Variants in AXDND1 observed in about 807,000 individuals in gnomAD.
The protein encoded by AXDND1 is axonemal dynein light chain domain containing 1.
In AXDND1, 110 loss-of-function variants were observed where a neutral mutation model predicts 137.5. That is an observed-to-expected ratio of 0.80 (90% CI 0.69 to 0.94). AXDND1 has a LOEUF of 0.94. Ranked by LOEUF, AXDND1 falls within the 40% of genes least tolerant of loss-of-function variation. The probability of loss-of-function intolerance (pLI) is 0.00; values close to 1 mark genes in which losing one functional copy is unlikely to be tolerated. For synonymous variants in AXDND1, 414 were observed against 399.7 expected (o/e 1.04, Z -0.43); for missense variants, 1,191 against 1,169.8 (o/e 1.02, Z -0.26).
intron 9 of AXDND1, among the ~76,000 whole-genome samples, chr1:179,391,167 TTAC>T (rs1650127568): frequency 6.6e-6 from 1 of 152,080 alleles, no homozygotes; most frequent in African/African-American, 2.4e-5. Context: ...GAATGTCTGT[TTAC>T]TATTTTATTG....
chr1:179,537,493 G>A (rs539738452), intron 25 of AXDND1, among the ~76,000 whole-genome samples: 134 of 152,258 alleles, frequency 8.8e-4, no homozygotes, highest in African/African-American at 3.1e-3. Context: ...GATGGATTAC[G>A]TTTATTGATT....
chr1:179,494,541 C>G (rs960431309), intron 20 of AXDND1, among the ~76,000 whole-genome samples: 6 of 141,568 alleles, frequency 4.2e-5, no homozygotes, highest in Non-Finnish European at 7.7e-5. Context: ...TGTGATTTGT[C>G]TTTTTTTTTT....
In AXDND1 at chr1:179,378,667, T is replaced by A. The variant is rs140658113; in HGVS notation, c.405T>A (p.Tyr135Ter). The change falls in exon 5 of 26, where the codon TAT (tyrosine) becomes TAA (stop). Residue 135 changes from tyrosine to a stop codon, truncating the protein, a stop_gained. Transcript: ENST00000367618. LOFTEE classifies it high-confidence loss of function. ...RDISFLYDVT[Y>*]AKGQTREKAV... ...TTTCTTTTCTGTACGATGTAACATA[T>A]GCCAAAGGACAGACTAGGGAGAAGG... 32 of 1,594,044 alleles carry A rather than the reference T, an allele frequency of 2.0e-5. No homozygotes were observed. Among genetic ancestry groups the A allele is most frequent in the Non-Finnish European group, 2.7e-5 (32 of 1,168,494 alleles).
At chr1:179,407,383 A>G (rs1239942617) in intron 11 of AXDND1, among the ~76,000 whole-genome samples, 1 of 152,004 alleles carries the variant, frequency 6.6e-6, no homozygotes, top group Middle Eastern at 3.4e-3. Flanking sequence ...GCGTGCCACC[A>G]TGACCGGCTA....
intron 15 of AXDND1, among the ~76,000 whole-genome samples, chr1:179,436,579 CT>C: frequency 6.6e-6 from 1 of 152,250 alleles, no homozygotes; most frequent in East Asian, 1.9e-4. Flanking sequence ...CCTCAACAAA[CT>C]AACACAGGAA....
intron 2 of AXDND1, 99 bp from the exon 3 acceptor site, chr1:179,368,701 T>C: frequency 1.1e-6 from 1 of 927,792 alleles, no homozygotes; most frequent in South Asian, 1.9e-5. Context: ...AATGTTTCTC[T>C]CTGTTAGAAA....
At chr1:179,514,129 C>T (rs1028490297) in intron 21 of AXDND1, among the ~76,000 whole-genome samples, 1 of 151,570 alleles carries the variant, frequency 6.6e-6, no homozygotes, top group Non-Finnish European at 1.5e-5. Flanking sequence ...TTGGTTTGTT[C>T]TTGTTTCTCT....
chr1:179,402,769 A>G (rs1652304310), intron 11 of AXDND1, among the ~76,000 whole-genome samples: 1 of 152,066 alleles, frequency 6.6e-6, no homozygotes, highest in African/African-American at 2.4e-5. Context: ...GGAAATCTCT[A>G]CAGAAAGTTG....
At chr1:179,536,494 T>C (rs887020664) in intron 25 of AXDND1, among the ~76,000 whole-genome samples, 3 of 152,222 alleles carry the variant, frequency 2.0e-5, no homozygotes, top group African/African-American at 7.2e-5. Context: ...CTTGTTTTTG[T>C]CAGGTTTGTC....
chr1:179,548,137 T>C (rs909906770), intron 25 of AXDND1, among the ~76,000 whole-genome samples: 1 of 152,166 alleles, frequency 6.6e-6, no homozygotes, highest in African/African-American at 2.4e-5. Context: ...CTACTGGCCA[T>C]CGGGGCTGCC....
chr1:179,501,087 CTAT>C (rs1667952764), intron 20 of AXDND1, among the ~76,000 whole-genome samples: 1 of 152,118 alleles, frequency 6.6e-6, no homozygotes, highest in Non-Finnish European at 1.5e-5. Context: ...TAGAACATTT[CTAT>C]TATTATGGAA....
In AXDND1 at chr1:179,367,423, G is replaced by A. The variant is rs567375990; in HGVS notation, c.97+817G>A. Among the ~76,000 whole-genome samples, 5 of 152,310 alleles carry A rather than the reference G, an allele frequency of 3.3e-5. No homozygotes were observed. The South Asian group carries it at 1.0e-3, about 32-fold the overall frequency. The stretch of plus-strand genomic sequence containing the variant: ...CCAGCTACTCAGGAGGCTGAGGCAG[G>A]AGAATCGCTTGAACCCGGGAGGTGG... On this transcript the variant is annotated intron_variant, in intron 2 of 25. Transcript: ENST00000367618.
At chr1:179,447,059 A>T (rs991491384) in intron 16 of AXDND1, among the ~76,000 whole-genome samples, 31 of 152,168 alleles carry the variant, frequency 2.0e-4, no homozygotes, top group African/African-American at 7.2e-4. Context: ...ATGTGTTGGG[A>T]ACATTTCAAG....
chr1:179,514,935 A>G (rs1367394892), intron 21 of AXDND1, among the ~76,000 whole-genome samples: 1 of 151,950 alleles, frequency 6.6e-6, no homozygotes, highest in Non-Finnish European at 1.5e-5. Flanking sequence ...CAACCTTTTT[A>G]TTTCAGTTTA....
intron 11 of AXDND1, among the ~76,000 whole-genome samples, chr1:179,402,027 C>G (rs1652156308): frequency 6.6e-6 from 1 of 152,020 alleles, no homozygotes; most frequent in Non-Finnish European, 1.5e-5. Context: ...CAAAAATTAA[C>G]TGTGCGTGGT....
At chr1:179,553,114 C>T (rs889394258) in intron 25 of AXDND1, among the ~76,000 whole-genome samples, 16 of 152,186 alleles carry the variant, frequency 1.1e-4, no homozygotes, top group Admixed American at 2.6e-4. Context: ...ATAAGAACAA[C>T]GCTTAATGTA....
intron 16 of AXDND1, among the ~76,000 whole-genome samples, chr1:179,447,361 G>C (rs1400694329): frequency 6.6e-6 from 1 of 152,128 alleles, no homozygotes; most frequent in African/African-American, 2.4e-5. Flanking sequence ...ATAACCTCCA[G>C]TTCCATCCAT....
rs77447144 is a variant in AXDND1, at chr1:179,483,580, G to T, written c.2091+359G>T. 5.6e-3 allele frequency among the ~76,000 whole-genome samples: 853 copies of T among 152,278 alleles called. 8 individuals carry two copies. The highest frequency in any genetic ancestry group is 0.02 in the African/African-American group (819 of 41,560). On this transcript the variant is annotated intron_variant, in intron 18 of 25. Transcript: ENST00000367618. Reference sequence around the variant, plus strand: ...AGTAAATGTTTGTTGAATGAATTTAGGAAGAATATTCCAGCACTGTTGGTA... The same window carrying T: ...AGTAAATGTTTGTTGAATGAATTTATGAAGAATATTCCAGCACTGTTGGTA...
At chr1:179,414,722 G>T (rs1053045304) in intron 12 of AXDND1, among the ~76,000 whole-genome samples, 1 of 152,078 alleles carries the variant, frequency 6.6e-6, no homozygotes, top group African/African-American at 2.4e-5. Context: ...ACCGCGCCCG[G>T]CCAAATTAAT....
Sources: allele counts gnomAD v4.1 joint callset (sites outside exome capture counted in the v4.1 genomes callset), GRCh38; gene constraint gnomAD v4.1.1; transcripts MANE v1.5; gene names NCBI Gene and HGNC (gene_info 2026-07-23, HGNC 2026-07-21).